Variants in RBM33 observed in about 807,000 individuals in gnomAD.
The protein encoded by RBM33 is RNA binding motif protein 33, also known as RNA-binding protein 33.
A neutral mutation model predicts 132.6 loss-of-function variants in RBM33; 28 were observed. That is an observed-to-expected ratio of 0.21 (90% CI 0.16 to 0.29). The LOEUF is 0.29. RBM33 is among the 10% of genes least tolerant of loss of function. RBM33 has a pLI of 1.00. For missense variants in RBM33, 1,291 were observed against 1,518.5 expected (o/e 0.85, Z 2.49); for synonymous variants, 634 against 593.0 (o/e 1.07, Z -1.01).
intron 1 of RBM33, among the ~76,000 whole-genome samples, chr7:155,654,708 T>A (rs1433805328): frequency 6.6e-6 from 1 of 152,218 alleles, no homozygotes; most frequent in African/African-American, 2.4e-5. Flanking sequence ...CTCATCACAT[T>A]GTGTATATTT....
At chr7:155,664,113 G>C (rs1362489581) in intron 1 of RBM33, among the ~76,000 whole-genome samples, 2 of 152,172 alleles carry the variant, frequency 1.3e-5, no homozygotes, top group Non-Finnish European at 2.9e-5. Context: ...CAAGCACTTG[G>C]AATGTGGCTT....
intron 9 of RBM33, among the ~76,000 whole-genome samples, chr7:155,736,974 T>A (rs1202878311): frequency 6.6e-6 from 1 of 152,230 alleles, no homozygotes; most frequent in Non-Finnish European, 1.5e-5. Flanking sequence ...GTAACAGTTT[T>A]TATGTTAATA....
At position 155,743,411 on chromosome 7, in the gene RBM33, C is replaced by T. The variant is rs776466315; in HGVS notation, c.2337+1305C>T. ...TCAGGCATCCTGCTGGCACATCTGG[C>T]GATCACTTCCTTCCATGATAGTTGA... On this transcript the variant is annotated intron_variant, in intron 13 of 17. Coordinates refer to ENST00000401878, the MANE Select transcript of RBM33 (RefSeq NM_053043.3). Among the ~76,000 whole-genome samples, 60 of 152,206 alleles carry T rather than the reference C, an allele frequency of 3.9e-4. 1 individual carries two copies. The highest frequency in any genetic ancestry group is 8.2e-4 in the Non-Finnish European group (56 of 68,042).
In RBM33 at chr7:155,665,160, G is replaced by T. The variant is rs753942779; in HGVS notation, c.44-15G>T. On this transcript the variant is annotated splice_polypyrimidine_tract_variant and intron_variant, in intron 1 of 17. Coordinates refer to ENST00000401878, the MANE Select transcript of RBM33 (RefSeq NM_053043.3). ...TTAACTTAGTAAAACTGACTTCAAT[G>T]GACTGTTCTCATAGATGATGACTTT... is the stretch of plus-strand genomic sequence containing the variant. 2 of 1,612,118 alleles carry T rather than the reference G, an allele frequency of 1.2e-6. No homozygotes were observed. The highest frequency in any genetic ancestry group is 2.7e-5 in the African/African-American group (2 of 74,902).
Position 155,718,478 on chromosome 7 carries a change from A to T in RBM33, c.1260+35A>T, listed in dbSNP as rs200673074. The T allele has an allele frequency of 4.5e-6, 7 of 1,542,498 alleles. No individual in the cohort carries two copies. The African/African-American group carries it at 9.5e-5, about 21-fold the overall frequency. On this transcript the variant is annotated intron_variant, in intron 9 of 17. Coordinates refer to ENST00000401878, the MANE Select transcript of RBM33 (RefSeq NM_053043.3). Reference sequence around the variant, plus strand: ...AGCTGCTCCTTCTCCTTTGATAGGGATGAGCATACATTTACTAAGAAATAT... The same window carrying T: ...AGCTGCTCCTTCTCCTTTGATAGGGTTGAGCATACATTTACTAAGAAATAT...
In RBM33 at chr7:155,766,690, A is replaced by G. The variant is rs758554814; in HGVS notation, c.3375+35A>G. The G allele has an allele frequency of 3.8e-6, 6 of 1,579,506 alleles. 1 individual carries two copies. The South Asian group carries it at 4.6e-5, about 12-fold the overall frequency. On this transcript the variant is annotated intron_variant, in intron 16 of 17. Coordinates refer to ENST00000401878, the MANE Select transcript of RBM33 (RefSeq NM_053043.3). Reference sequence around the variant, plus strand: ...TGGGGGTGGCATCTGTGCCACGGGTAGTTGTGTCCCAAGACAAAATCATTT... The same window carrying G: ...TGGGGGTGGCATCTGTGCCACGGGTGGTTGTGTCCCAAGACAAAATCATTT...
chr7:155,648,146 G>A (rs1046495916), intron 1 of RBM33, among the ~76,000 whole-genome samples: 1 of 152,144 alleles, frequency 6.6e-6, no homozygotes, highest in Non-Finnish European at 1.5e-5. Flanking sequence ...TCCAGTAGTA[G>A]AATAATGAAC....
At chr7:155,684,826 A>G (rs1373250485) in intron 5 of RBM33, 1 of 1,301,398 alleles carries the variant, frequency 7.7e-7, no homozygotes, top group Admixed American at 2.7e-5. Flanking sequence ...TCACCATAGT[A>G]AAACTTTCTA....
chr7:155,718,544 T>C (rs1193059445), intron 9 of RBM33, 101 bp downstream of exon 9: 5 of 988,144 alleles, frequency 5.1e-6, no homozygotes, highest in Non-Finnish European at 7.9e-6. Flanking sequence ...AATATAATTT[T>C]AAGGATTTGC....
intron 8 of RBM33, among the ~76,000 whole-genome samples, chr7:155,715,157 A>G (rs1329506836): frequency 2.0e-5 from 3 of 152,124 alleles, no homozygotes; most frequent in African/African-American, 7.2e-5. Context: ...CTCCTGCAGT[A>G]GCCGTTGAAT....
chr7:155,645,988 G>T lies in RBM33; in HGVS notation c.43+1069G>T, dbSNP rs934701979. 4.6e-5 allele frequency among the ~76,000 whole-genome samples: 7 copies of T among 152,286 alleles called. No individual in the cohort carries two copies. In the East Asian group the frequency reaches 1.4e-3, roughly 29 times the overall value. On this transcript the variant is annotated intron_variant, in intron 1 of 17. Transcript: ENST00000401878. ...TTTGCTATATGCCACTTTTCTTTCA[G>T]TTTAAATACATGATGTTTGCGTGTT...
intron 2 of RBM33, among the ~76,000 whole-genome samples, chr7:155,671,282 A>G (rs1798936424): frequency 6.6e-6 from 1 of 152,222 alleles, no homozygotes; most frequent in Non-Finnish European, 1.5e-5. Flanking sequence ...TTATTCTCTT[A>G]TAACTATCCT....
rs151221363 is a variant in RBM33 at position 155,733,168 on chromosome 7, G to A, written c.1261-4362G>A. On this transcript the variant is annotated intron_variant, in intron 9 of 17. Transcript: ENST00000401878. ...AGTGAAAATTTTTCAAGGAAATACCGGAGATGGAAAGGGAAAGTGTGTATG... is the reference window on the plus strand; with the variant it reads ...AGTGAAAATTTTTCAAGGAAATACCAGAGATGGAAAGGGAAAGTGTGTATG... Among the ~76,000 whole-genome samples, 14 of 152,280 alleles carry A rather than the reference G, an allele frequency of 9.2e-5. No individual in the cohort carries two copies. In the East Asian group the frequency reaches 2.5e-3, roughly 27 times the overall value.
rs185529399 is a variant in RBM33, at chr7:155,690,535, G to A, written c.567+9627G>A. Among the ~76,000 whole-genome samples, 1,098 of 152,162 alleles carry A rather than the reference G, an allele frequency of 7.2e-3. 11 individuals are homozygous for A. The highest frequency in any genetic ancestry group is 0.025 in the African/African-American group (1,035 of 41,510). On this transcript the variant is annotated intron_variant, in intron 5 of 17. Coordinates refer to ENST00000401878, the MANE Select transcript of RBM33 (RefSeq NM_053043.3). ...ATGATGTTAGCTGGTTATTTTGCTC[G>A]TTATTTGATGCAGTTTCTTCCTAGT...
At chr7:155,732,996 TG>T (rs1801001213) in intron 9 of RBM33, among the ~76,000 whole-genome samples, 1 of 152,152 alleles carries the variant, frequency 6.6e-6, no homozygotes, top group Non-Finnish European at 1.5e-5. Flanking sequence ...TGGGTATGTC[TG>T]GGCCCTGTGT....
chr7:155,647,588 G>A (rs916503105), intron 1 of RBM33, among the ~76,000 whole-genome samples: 4 of 152,128 alleles, frequency 2.6e-5, no homozygotes, highest in East Asian at 1.9e-4. Flanking sequence ...GCACCAGCAC[G>A]CCTGGCTAAT....
intron 9 of RBM33, 151 bp from the exon 10 acceptor site, chr7:155,737,379 G>GTGTGTGTA: frequency 3.1e-6 from 2 of 646,272 alleles, no homozygotes; most frequent in South Asian, 4.4e-5. Flanking sequence ...GTGTGTGTGT[G>GTGTGTGTA]TGTGTGTAGA....
In RBM33 at chr7:155,673,408, GTGTGTGT is replaced by G. The variant is rs749800590; in HGVS notation, c.171+494_171+500del. Among the ~76,000 whole-genome samples the G allele has an allele frequency of 6.6e-3, 956 of 144,664 alleles. 16 individuals are homozygous for G. Among genetic ancestry groups the G allele is most frequent in the South Asian group, 0.023 (107 of 4,588 alleles). The allele number at this position is 144,664 out of a possible 152,430, so 94.9% of individuals were successfully genotyped here. A position where few individuals can be genotyped will look rare whatever the true frequency, so the allele number is the denominator to read the frequency against. ...GTATATCTATTTATATATATTGTGT[GTGTGTGT>G]GTGTGTGTGTGTGTGTGTGTGTGTG... is the stretch of plus-strand genomic sequence containing the variant. On this transcript the variant is annotated intron_variant, in intron 3 of 17. Coordinates refer to ENST00000401878, the MANE Select transcript of RBM33 (RefSeq NM_053043.3).
intron 1 of RBM33, among the ~76,000 whole-genome samples, chr7:155,650,034 C>A (rs1798313417): frequency 6.6e-6 from 1 of 152,196 alleles, no homozygotes; most frequent in Non-Finnish European, 1.5e-5. Context: ...CACTCTCATT[C>A]CTTCATATAT....
Sources: gnomAD v4.1 joint callset for allele counts (sites outside exome capture counted in the v4.1 genomes callset) on GRCh38, gnomAD v4.1.1 for gene constraint, MANE v1.5 for transcripts, NCBI Gene and HGNC (gene_info 2026-07-23, HGNC 2026-07-21) for gene names.